The following TAMM41 variants were observed in gnomAD, a reference collection of about 807,000 sequenced individuals.
TAMM41 encodes TAM41 mitochondrial translocator assembly and maintenance homolog.
TAMM41 carries 36 observed loss-of-function variants against 44.1 expected under a neutral mutation model. That is an observed-to-expected ratio of 0.82 (90% CI 0.63 to 1.08). TAMM41 has a LOEUF of 1.08. Among genes scored for constraint, TAMM41 ranks in the 50% least tolerant of loss-of-function variants. The pLI is 0.00. For missense variants in TAMM41, 417 were observed against 404.3 expected (o/e 1.03, Z -0.27); for synonymous variants, 164 against 153.1 (o/e 1.07, Z -0.53).
At chr3:11,811,896 G>A (rs1351213612) in intron 5 of TAMM41, among the ~76,000 whole-genome samples, 2 of 152,098 alleles carry the variant, frequency 1.3e-5, no homozygotes. Context: ...AGCTTTTATG[G>A]TGTATGAGGT....
At chr3:11,752,177 G>A in the TAMM41 span, among the ~76,000 whole-genome samples, 12 of 152,258 alleles carry the variant, frequency 7.9e-5, no homozygotes, top group East Asian at 5.8e-4. Context: ...TGTGTCCGGA[G>A]TTTCTTCCTT....
At chr3:11,796,403 T>TG (rs1212309268) in intron 7 of TAMM41, among the ~76,000 whole-genome samples, 1 of 152,068 alleles carries the variant, frequency 6.6e-6, no homozygotes, top group Non-Finnish European at 1.5e-5. Context: ...AGTGAAGAAA[T>TG]GAATAATTCA....
At chr3:11,761,018 A>G in the TAMM41 span, among the ~76,000 whole-genome samples, 4 of 151,908 alleles carry the variant, frequency 2.6e-5, no homozygotes, top group Non-Finnish European at 5.9e-5. Flanking sequence ...GATACAAAAA[A>G]TTAGCCAGGC....
the TAMM41 span, among the ~76,000 whole-genome samples, chr3:11,739,875 C>T: frequency 2.0e-5 from 3 of 152,084 alleles, no homozygotes; most frequent in Non-Finnish European, 4.4e-5. Context: ...ACAACGCAGT[C>T]TCAGGGGCAA....
chr3:11,731,586 G>A, the TAMM41 span, among the ~76,000 whole-genome samples: 1 of 152,164 alleles, frequency 6.6e-6, no homozygotes, highest in Non-Finnish European at 1.5e-5. Context: ...AAGCAGTAAG[G>A]GAAATGGGTT....
the TAMM41 span, among the ~76,000 whole-genome samples, chr3:11,743,724 G>T: frequency 5.3e-5 from 8 of 152,184 alleles, no homozygotes; most frequent in East Asian, 9.7e-4. Context: ...GCCTCCCTCT[G>T]TCGCCTCACT....
chr3:11,782,830 C>CA, the TAMM41 span, among the ~76,000 whole-genome samples: 1 of 152,154 alleles, frequency 6.6e-6, no homozygotes, highest in Non-Finnish European at 1.5e-5. Context: ...TTTGGTGGGA[C>CA]AGAGTGCCTG....
At chr3:11,812,861 A>C (rs2078134995) in intron 5 of TAMM41, among the ~76,000 whole-genome samples, 1 of 152,122 alleles carries the variant, frequency 6.6e-6, no homozygotes, top group Admixed American at 6.5e-5. Context: ...CCCTGTCTAG[A>C]TAAGCAGAAG....
chr3:11,810,416 G>C (rs961040496), intron 5 of TAMM41, among the ~76,000 whole-genome samples: 1 of 152,176 alleles, frequency 6.6e-6, no homozygotes, highest in Non-Finnish European at 1.5e-5. Context: ...AGAAACCCTT[G>C]AATCAAAAGT....
At chr3:11,820,522 C>T (rs184268026) in intron 4 of TAMM41, among the ~76,000 whole-genome samples, 48 of 152,318 alleles carry the variant, frequency 3.2e-4, no homozygotes, top group African/African-American at 1.1e-3. Context: ...TCCTTAGCTC[C>T]TTGTGCACTG....
chr3:11,842,206 T>C (rs2079477344), intron 2 of TAMM41, among the ~76,000 whole-genome samples: 1 of 151,998 alleles, frequency 6.6e-6, no homozygotes, highest in African/African-American at 2.4e-5. Flanking sequence ...CTGGCCAACA[T>C]GGTGAAACCC....
intron 3 of TAMM41, among the ~76,000 whole-genome samples, chr3:11,836,087 T>G (rs1230889741): frequency 6.6e-6 from 1 of 151,440 alleles, no homozygotes; most frequent in African/African-American, 2.4e-5. Flanking sequence ...GCCTCCCAAG[T>G]TCCAGCGATT....
chr3:11,845,297 T>G (rs560218953), intron 1 of TAMM41, among the ~76,000 whole-genome samples: 2 of 152,184 alleles, frequency 1.3e-5, no homozygotes, highest in Non-Finnish European at 2.9e-5. Context: ...GGGACTGATG[T>G]GAGAAAGATG....
chr3:11,820,620 G>A lies in TAMM41; in HGVS notation c.563-3283C>T, dbSNP rs529378792. ...GCAGCTGAACTAGCTCAACCGCAGG[G>A]GATAGGAAGCAAATGGGCTTATGAC... On this transcript the variant is annotated intron_variant, in intron 4 of 7. Coordinates refer to ENST00000455809, the MANE Select transcript of TAMM41 (RefSeq NM_001284401.2). Among the ~76,000 whole-genome samples, 4 of 152,054 alleles carry A rather than the reference G, an allele frequency of 2.6e-5. No individual in the cohort carries two copies. The East Asian group carries it at 5.8e-4, about 22-fold the overall frequency.
chr3:11,814,378 C>A (rs1415271975), intron 5 of TAMM41, among the ~76,000 whole-genome samples: 1 of 151,708 alleles, frequency 6.6e-6, no homozygotes. Flanking sequence ...AATAATGCAT[C>A]CATAATACAA....
the TAMM41 span, among the ~76,000 whole-genome samples, chr3:11,749,052 A>T: frequency 6.6e-6 from 1 of 151,308 alleles, no homozygotes; most frequent in Non-Finnish European, 1.5e-5. Flanking sequence ...AGCTGGGATT[A>T]CAGGCATGCA....
the TAMM41 span, among the ~76,000 whole-genome samples, chr3:11,763,724 T>C: frequency 6.6e-6 from 1 of 152,216 alleles, no homozygotes; most frequent in Admixed American, 6.5e-5. Flanking sequence ...GTTCATGTTT[T>C]AACACATGAT....
chr3:11,725,782 T>G, the TAMM41 span, among the ~76,000 whole-genome samples: 1 of 152,096 alleles, frequency 6.6e-6, no homozygotes, highest in Non-Finnish European at 1.5e-5. Flanking sequence ...GATTGCCGGC[T>G]GATCTCCCTG....
At chr3:11,836,005 T>TG (rs1249248071) in intron 3 of TAMM41, among the ~76,000 whole-genome samples, 1 of 151,700 alleles carries the variant, frequency 6.6e-6, no homozygotes, top group Non-Finnish European at 1.5e-5. Context: ...TTTTTTTTTT[T>TG]TTGAGACTGG....
Sources: allele counts gnomAD v4.1 joint callset (sites outside exome capture counted in the v4.1 genomes callset), GRCh38; gene constraint gnomAD v4.1.1; transcripts MANE v1.5; gene names NCBI Gene and HGNC (gene_info 2026-07-23, HGNC 2026-07-21).